The following ARL13B variants were observed in gnomAD, a reference collection of about 807,000 sequenced individuals.
The protein encoded by ARL13B is ADP-ribosylation factor-like protein 13B.
In ARL13B, 36 loss-of-function variants were observed where a neutral mutation model predicts 56.1. The ratio of observed to expected loss-of-function variants is 0.64; its 90% CI spans 0.49 to 0.85. The LOEUF (loss-of-function observed/expected upper bound fraction) is 0.85. Among genes scored for constraint, ARL13B ranks in the 40% least tolerant of loss-of-function variants. ARL13B has a pLI of 0.00. For missense variants in ARL13B, 519 were observed against 507.1 expected, an observed-to-expected ratio of 1.02 and a Z score of -0.23; for synonymous variants, 178 against 171.1, an observed-to-expected ratio of 1.04 and a Z score of -0.32.
intron 3 of ARL13B, among the ~76,000 whole-genome samples, chr3:94,021,437 T>C (rs561379222): frequency 7.5e-4 from 114 of 152,104 alleles, no homozygotes; most frequent in African/African-American, 2.7e-3. Context: ...TCAAGTGATC[T>C]GCCCGCCTCA....
At chr3:93,989,070 A>G (rs1710615027) in intron 1 of ARL13B, 1 of 199,808 alleles carries the variant, frequency 5.0e-6, no homozygotes, top group Admixed American at 5.5e-5. Flanking sequence ...CCCCTATTTC[A>G]GTTTTGAAAG....
At chr3:93,987,438 T>C (rs1382297631) in intron 1 of ARL13B, among the ~76,000 whole-genome samples, 2 of 152,202 alleles carry the variant, frequency 1.3e-5, no homozygotes, top group Non-Finnish European at 2.9e-5. Context: ...AGTATGGAAG[T>C]CTTCACTTGT....
At chr3:94,046,456 T>C (rs2076986321) in intron 7 of ARL13B, among the ~76,000 whole-genome samples, 1 of 152,160 alleles carries the variant, frequency 6.6e-6, no homozygotes. Flanking sequence ...TCTTGCTTTC[T>C]GAACTCAACG....
intron 3 of ARL13B, among the ~76,000 whole-genome samples, chr3:94,018,870 A>G (rs539558893): frequency 5.3e-5 from 8 of 152,126 alleles, no homozygotes; most frequent in South Asian, 2.1e-4. Context: ...GGTTCAAGCA[A>G]TTCTCCTGCC....
intron 3 of ARL13B, among the ~76,000 whole-genome samples, chr3:94,013,727 C>G (rs1056928963): frequency 6.6e-6 from 1 of 152,222 alleles, no homozygotes; most frequent in Non-Finnish European, 1.5e-5. Flanking sequence ...GGGCGGATCA[C>G]TGGAGGTCAG....
chr3:94,015,007 A>T, intron 3 of ARL13B: 1 of 1,614,042 alleles, frequency 6.2e-7, no homozygotes, highest in Non-Finnish European at 8.5e-7. Flanking sequence ...CTCTCTCTTA[A>T]GTAGACTAAA....
intron 8 of ARL13B, among the ~76,000 whole-genome samples, chr3:94,049,741 A>T (rs1173557191): frequency 6.6e-6 from 1 of 152,098 alleles, no homozygotes; most frequent in Non-Finnish European, 1.5e-5. Flanking sequence ...AAAAATAAGT[A>T]AAAACTATTA....
At position 93,995,924 on chromosome 3, in the gene ARL13B, C is replaced by T. The variant is rs2107384582; in HGVS notation, c.110C>T (p.Thr37Ile). 4 of 1,613,394 alleles carry T rather than the reference C, an allele frequency of 2.5e-6. No homozygotes were observed. Among genetic ancestry groups the T allele is most frequent in the South Asian group, 1.1e-5 (1 of 90,992 alleles). Reference sequence around the variant, plus strand: ...CTTGATAATGCTGGTAAAACCGCAACAGCAAAGGGAATCCAAGGAGGTAAG... The same window carrying T: ...CTTGATAATGCTGGTAAAACCGCAATAGCAAAGGGAATCCAAGGAGGTAAG... ...VGLDNAGKTA[T>I]AKGIQGEYPE... Residue 37 changes from threonine to isoleucine, a missense_variant, in exon 2 of 10, where the codon ACA (threonine) becomes ATA (isoleucine). Physicochemically the swap from Thr to Ile is moderately conservative, Grantham distance 89. Coordinates refer to ENST00000394222, the MANE Select transcript of ARL13B (RefSeq NM_001174150.2).
At chr3:94,009,429 C>T (rs1362498406) in intron 3 of ARL13B, among the ~76,000 whole-genome samples, 2 of 151,670 alleles carry the variant, frequency 1.3e-5, no homozygotes, top group East Asian at 1.9e-4. Flanking sequence ...AGTCATATTC[C>T]GTATTGTAAG....
At chr3:93,994,289 C>A (rs2075927262) in intron 1 of ARL13B, among the ~76,000 whole-genome samples, 1 of 152,084 alleles carries the variant, frequency 6.6e-6, no homozygotes, top group African/African-American at 2.4e-5. Flanking sequence ...TTCTCTCTTG[C>A]CCCGAATATA....
intron 7 of ARL13B, among the ~76,000 whole-genome samples, chr3:94,045,381 A>C (rs897449282): frequency 6.6e-6 from 1 of 151,028 alleles, no homozygotes; most frequent in Admixed American, 6.6e-5. Context: ...CCTTCTCTCC[A>C]CTATTATCCT....
chr3:94,041,815 C>T (rs1219500054), intron 6 of ARL13B, among the ~76,000 whole-genome samples: 5 of 152,132 alleles, frequency 3.3e-5, no homozygotes, highest in South Asian at 4.1e-4. Context: ...TGGCTCACGC[C>T]TGTAATCCCA....
Position 94,053,755 on chromosome 3 carries a change from AT to A in ARL13B, c.*494del. The A allele has an allele frequency of 3.3e-6, 1 of 303,792 alleles. No individual in the cohort carries two copies. Among genetic ancestry groups the A allele is most frequent in the South Asian group, 3.1e-5 (1 of 32,590 alleles). The allele number at this position is 303,792 out of a possible 1,614,324, so 18.8% of individuals were successfully genotyped here. A position where few individuals can be genotyped will look rare whatever the true frequency, so the allele number is the denominator to read the frequency against. On this transcript the variant is annotated 3_prime_UTR_variant, in exon 10 of 10. Coordinates refer to ENST00000394222, the MANE Select transcript of ARL13B (RefSeq NM_001174150.2). Reference sequence around the variant, plus strand: ...AAAAATTTTAATTACTGTGATATTGATTATACACCTTTTTTATAGATGATTT... The same window carrying A: ...AAAAATTTTAATTACTGTGATATTGATATACACCTTTTTTATAGATGATTT...
rs1397333712 is a variant in ARL13B, at chr3:94,050,900, A to G, written c.1210+8A>G. On this transcript the variant is annotated splice_region_variant and intron_variant, in intron 9 of 9. Coordinates refer to ENST00000394222, the MANE Select transcript of ARL13B (RefSeq NM_001174150.2). ...GTGAAACACATCATAATGGTAATGC[A>G]AAAGGATTGGTTTTCAGATATCATC... The G allele has an allele frequency of 6.2e-7, 1 of 1,612,312 alleles. No individual in the cohort carries two copies.
At chr3:94,007,134 T>C (rs755226512) in intron 3 of ARL13B, among the ~76,000 whole-genome samples, 39 of 152,314 alleles carry the variant, frequency 2.6e-4, no homozygotes, top group Middle Eastern at 3.4e-3. Flanking sequence ...GAAGTCATTT[T>C]AATGCTTGGA....
intron 2 of ARL13B, among the ~76,000 whole-genome samples, chr3:93,998,636 C>G (rs1559973244): frequency 6.6e-6 from 1 of 152,144 alleles, no homozygotes; most frequent in Non-Finnish European, 1.5e-5. Context: ...GTATAGTCTC[C>G]TCTTTTATAA....
rs771274783 is a variant in ARL13B at position 94,053,260 on chromosome 3, A to G, written c.1284A>G (p.Ser428=). Reference sequence around the variant, plus strand: ...ACAGTGATGCTCATGATGTGATCTCATAAACAAGACGTATGGAGGAGTTCT... The same window carrying G: ...ACAGTGATGCTCATGATGTGATCTCGTAAACAAGACGTATGGAGGAGTTCT... ...RPNSDAHDVI[S] is the part of the protein sequence containing the mutation. Residue 428 remains serine (S), a synonymous_variant, in exon 10 of 10, where the codon TCA becomes TCG. Coordinates refer to ENST00000394222, the MANE Select transcript of ARL13B (RefSeq NM_001174150.2). 24 of 1,608,230 alleles carry G rather than the reference A, an allele frequency of 1.5e-5. No individual in the cohort carries two copies. The highest frequency in any genetic ancestry group is 2.0e-5 in the Non-Finnish European group (23 of 1,175,162).
rs75658977 is a variant in ARL13B, at chr3:94,033,552, A to G, written c.381-1779A>G. Among the ~76,000 whole-genome samples the G allele has an allele frequency of 3.9e-5, 6 of 152,344 alleles. No homozygotes were observed. In the East Asian group the frequency reaches 1.2e-3, roughly 29 times the overall value. On this transcript the variant is annotated intron_variant, in intron 3 of 9. Transcript: ENST00000394222. ...GCTTATTTTTAGCAAGAATCCTGCT[A>G]GTAAATGCAGAAGGAATATGGAACT... is the stretch of plus-strand genomic sequence containing the variant.
chr3:94,052,832 G>A (rs888916672), intron 9 of ARL13B, among the ~76,000 whole-genome samples: 1 of 152,094 alleles, frequency 6.6e-6, no homozygotes, highest in Admixed American at 6.5e-5. Flanking sequence ...AAATTTGGGG[G>A]CTATTGCAGT....
Sources: gnomAD v4.1 joint callset for allele counts (sites outside exome capture counted in the v4.1 genomes callset) on GRCh38, gnomAD v4.1.1 for gene constraint, MANE v1.5 for transcripts, NCBI Gene and HGNC (gene_info 2026-07-23, HGNC 2026-07-21) for gene names.